TMTC2: variants seen among roughly 807,000 people sequenced by gnomAD.
TMTC2 encodes protein O-mannosyl-transferase TMTC2.
TMTC2 carries 43 observed loss-of-function variants against 82.4 expected under a neutral mutation model. The observed-to-expected ratio is 0.52, with a 90% CI of 0.41 to 0.67. The LOEUF (loss-of-function observed/expected upper bound fraction) is 0.67, where lower values mean the gene tolerates loss of function less well. Among genes scored for constraint, TMTC2 ranks in the 30% least tolerant of loss-of-function variants. The pLI is 0.00. For synonymous variants in TMTC2, 408 were observed against 381.9 expected (o/e 1.07, Z -0.80); for missense variants, 919 against 1,012.4 (o/e 0.91, Z 1.25).
chr12:82,982,100 G>A (rs1046082875), intron 7 of TMTC2, among the ~76,000 whole-genome samples: 5 of 151,556 alleles, frequency 3.3e-5, no homozygotes, highest in Non-Finnish European at 7.4e-5. Flanking sequence ...TAACAGTGTA[G>A]GGATAATGTA....
At chr12:82,817,666 C>T (rs79723515) in intron 1 of TMTC2, among the ~76,000 whole-genome samples, 1 of 152,078 alleles carries the variant, frequency 6.6e-6, no homozygotes, top group Admixed American at 6.6e-5. Context: ...TGTCTCATTC[C>T]TCAGTAAGAG....
At chr12:82,894,660 T>G (rs1873565648) in intron 2 of TMTC2, among the ~76,000 whole-genome samples, 1 of 152,144 alleles carries the variant, frequency 6.6e-6, no homozygotes, top group African/African-American at 2.4e-5. Context: ...ACGACTTAGA[T>G]TTTTAGATGT....
Position 82,895,930 on chromosome 12 carries a change from C to T in TMTC2, c.767C>T (p.Ser256Leu), listed in dbSNP as rs767830943. ...AACAAACCACCAAGCTTTTCCAACT[C>T]GGACAACCCCGCTGCTGATTCGGAC... ...MGNKPPSFSNSDNPAADSDSL... is the reference protein window; with the variant it reads ...MGNKPPSFSNLDNPAADSDSL... The change falls in exon 3 of 12, where the codon TCG (serine) becomes TTG (leucine). Residue 256 changes from serine (S) to leucine (L), a missense_variant. Transcript: ENST00000321196. 5 of 1,613,948 alleles carry T rather than the reference C, an allele frequency of 3.1e-6. No individual in the cohort carries two copies. In the South Asian group the frequency reaches 3.3e-5, roughly 11 times the overall value.
chr12:82,946,242 T>C (rs1876984861), intron 4 of TMTC2, among the ~76,000 whole-genome samples: 1 of 152,222 alleles, frequency 6.6e-6, no homozygotes, highest in Admixed American at 6.5e-5. Context: ...ATTGCTAAAA[T>C]GTAAGCTTCA....
intron 1 of TMTC2, among the ~76,000 whole-genome samples, chr12:82,808,631 C>T (rs1436397079): frequency 6.6e-6 from 1 of 152,030 alleles, no homozygotes; most frequent in Non-Finnish European, 1.5e-5. Flanking sequence ...AGGAGGCCCT[C>T]TATTGGTATT....
At chr12:83,006,054 T>A (rs549837616) in intron 8 of TMTC2, among the ~76,000 whole-genome samples, 1 of 152,168 alleles carries the variant, frequency 6.6e-6, no homozygotes, top group African/African-American at 2.4e-5. Context: ...CCCTACCAGC[T>A]CAACTGTCTG....
At chr12:83,077,057 A>G (rs1430564693) in intron 11 of TMTC2, among the ~76,000 whole-genome samples, 1 of 152,234 alleles carries the variant, frequency 6.6e-6, no homozygotes, top group African/African-American at 2.4e-5. Context: ...AGGGGTCAAG[A>G]CTATTGTGAT....
chr12:82,762,775 C>G (rs902355204), intron 1 of TMTC2, among the ~76,000 whole-genome samples: 3 of 151,854 alleles, frequency 2.0e-5, no homozygotes, highest in Admixed American at 6.6e-5. Context: ...TATCAATGTA[C>G]TTTTTCTTAT....
At chr12:82,733,866 T>G (rs1348692219) in intron 1 of TMTC2, among the ~76,000 whole-genome samples, 1 of 152,226 alleles carries the variant, frequency 6.6e-6, no homozygotes, top group Non-Finnish European at 1.5e-5. Flanking sequence ...GAACTGGTCT[T>G]AGAAAATGTG....
chr12:83,122,835 C>T (rs1426646956), intron 11 of TMTC2, among the ~76,000 whole-genome samples: 2 of 152,156 alleles, frequency 1.3e-5, no homozygotes, highest in Non-Finnish European at 2.9e-5. Context: ...CTAGTCCTGC[C>T]TCCCGTCTGC....
chr12:83,131,489 C>T (rs561482273), intron 11 of TMTC2, among the ~76,000 whole-genome samples: 5 of 152,220 alleles, frequency 3.3e-5, no homozygotes, highest in Non-Finnish European at 5.9e-5. Flanking sequence ...TACTTAACTA[C>T]TTTTTAATAA....
intron 11 of TMTC2, among the ~76,000 whole-genome samples, chr12:83,092,485 G>A (rs185907676): frequency 3.9e-5 from 6 of 152,176 alleles, no homozygotes; most frequent in Admixed American, 1.3e-4. Flanking sequence ...TTATGCCCCT[G>A]AATCTAGCCT....
chr12:82,726,077 AAATAAGGCAAAG>A lies in TMTC2; in HGVS notation c.83+38411_83+38422del, dbSNP rs1874432051. On this transcript the variant is annotated intron_variant, in intron 1 of 11. Transcript: ENST00000321196. ...AGGACCACTTTGCAGGGCCATTTCA[AAATAAGGCAAAG>A]AAACATGTTTTGGGGTAAAATATTT... Among the ~76,000 whole-genome samples the A allele has an allele frequency of 5.3e-5, 8 of 152,322 alleles. No individual in the cohort carries two copies. In the South Asian group the frequency reaches 1.7e-3, roughly 32 times the overall value.
chr12:83,063,485 G>T (rs927344705), intron 11 of TMTC2, among the ~76,000 whole-genome samples: 1 of 151,846 alleles, frequency 6.6e-6, no homozygotes, highest in African/African-American at 2.4e-5. Context: ...TTATTATTAT[G>T]TGCTAAGCAC....
intron 2 of TMTC2, among the ~76,000 whole-genome samples, chr12:82,858,789 C>T (rs551087341): frequency 6.6e-6 from 1 of 152,018 alleles, no homozygotes; most frequent in East Asian, 1.9e-4. Context: ...TTAAAAGAAA[C>T]TCTGGTTAGA....
chr12:83,055,872 G>A (rs1001475662), intron 10 of TMTC2, among the ~76,000 whole-genome samples: 22 of 151,892 alleles, frequency 1.4e-4, no homozygotes, highest in East Asian at 1.9e-4. Flanking sequence ...TGAAGTAAAC[G>A]TTATAAATCT....
At chr12:82,718,507 C>A (rs182727964) in intron 1 of TMTC2, among the ~76,000 whole-genome samples, 1 of 152,142 alleles carries the variant, frequency 6.6e-6, no homozygotes, top group Non-Finnish European at 1.5e-5. Context: ...TATTAAGTGA[C>A]GGAGTCCATA....
intron 1 of TMTC2, among the ~76,000 whole-genome samples, chr12:82,814,555 T>C (rs189704367): frequency 2.5e-4 from 38 of 152,276 alleles, no homozygotes; most frequent in East Asian, 1.2e-3. Flanking sequence ...AAAATTGTTA[T>C]CTTGCAGTAG....
intron 11 of TMTC2, among the ~76,000 whole-genome samples, chr12:83,071,796 G>T (rs1252982528): frequency 6.6e-6 from 1 of 151,940 alleles, no homozygotes; most frequent in Non-Finnish European, 1.5e-5. Flanking sequence ...ATGTGTCAAG[G>T]TGTTCATAGT....
Sources: gnomAD v4.1 joint callset for allele counts (sites outside exome capture counted in the v4.1 genomes callset) on GRCh38, gnomAD v4.1.1 for gene constraint, MANE v1.5 for transcripts, NCBI Gene and HGNC (gene_info 2026-07-23, HGNC 2026-07-21) for gene names.